AP3B2: variants seen among roughly 807,000 people sequenced by gnomAD.
AP3B2 encodes the protein adaptor related protein complex 3 subunit beta 2.
A neutral mutation model predicts 126.9 loss-of-function variants in AP3B2; 50 were observed. That is an observed-to-expected ratio of 0.39 (90% CI 0.31 to 0.50). The LOEUF (loss-of-function observed/expected upper bound fraction) is 0.50. Ranked by LOEUF, AP3B2 falls within the 20% of genes least tolerant of loss-of-function variation. AP3B2 has a pLI of 0.79. For missense variants in AP3B2, 1,177 were observed against 1,426.4 expected (o/e 0.83, Z 2.82); for synonymous variants, 541 against 565.0 (o/e 0.96, Z 0.60).
At chr15:82,678,485 G>C (rs1470544829) in intron 10 of AP3B2, among the ~76,000 whole-genome samples, 1 of 152,132 alleles carries the variant, frequency 6.6e-6, no homozygotes, top group African/African-American at 2.4e-5. Flanking sequence ...GTCCCTGAAT[G>C]ATCTGCTTGC....
rs906446451 is a variant in AP3B2 at position 82,691,806 on chromosome 15, A to G, written c.114-2353T>C. 3.4e-6 allele frequency: 5 copies of G among 1,461,470 alleles called. No homozygotes were observed. The African/African-American group carries it at 5.6e-5, about 16-fold the overall frequency. 90.5% of individuals were successfully genotyped at this position (1,461,470 alleles called of 1,614,324 possible). A position where few individuals can be genotyped will look rare whatever the true frequency, so the allele number is the denominator to read the frequency against. On this transcript the variant is annotated intron_variant, in intron 1 of 26. Coordinates refer to ENST00000535359, the MANE Select transcript of AP3B2 (RefSeq NM_001278512.2). The stretch of plus-strand genomic sequence containing the variant: ...TCACGGCCCCTTGACCCAAACCGAG[A>G]CTGTGAGTAGCCATAGCTGGTGCTT...
chr15:82,662,287 G>A (rs779041979), intron 23 of AP3B2, 35 bp from the exon 24 acceptor site: 19 of 1,505,634 alleles, frequency 1.3e-5, no homozygotes, highest in Admixed American at 1.9e-5. Flanking sequence ...GGGAGAGGGA[G>A]GGCCACCATC....
chr15:82,678,064 G>A, intron 11 of AP3B2, 41 bp downstream of exon 11: 3 of 1,602,786 alleles, frequency 1.9e-6, no homozygotes, highest in East Asian at 4.5e-5. Context: ...GATCTGATGG[G>A]CCCCTCTCCC....
At chr15:82,671,237 C>A (rs773253194) in intron 14 of AP3B2, among the ~76,000 whole-genome samples, 3 of 152,044 alleles carry the variant, frequency 2.0e-5, no homozygotes, top group Non-Finnish European at 2.9e-5. Context: ...GAGCCAAGAT[C>A]GCACCACTGC....
intron 1 of AP3B2, among the ~76,000 whole-genome samples, chr15:82,701,519 A>C (rs1334552093): frequency 6.6e-6 from 1 of 152,208 alleles, no homozygotes; most frequent in Non-Finnish European, 1.5e-5. Flanking sequence ...TTGAAAGCAA[A>C]ATTTCCATTC....
intron 14 of AP3B2, 139 bp downstream of exon 14, chr15:82,676,322 G>T: frequency 1.2e-6 from 1 of 865,978 alleles, no homozygotes; most frequent in Non-Finnish European, 1.7e-6. Context: ...GGTTATGTGG[G>T]CAGACCAGCC....
chr15:82,696,630 T>G (rs2048631380), intron 1 of AP3B2, among the ~76,000 whole-genome samples: 1 of 152,170 alleles, frequency 6.6e-6, no homozygotes, highest in South Asian at 2.1e-4. Context: ...CTTTGCAGCA[T>G]TCACTGTCAG....
chr15:82,661,638 G>A (rs901874270), intron 25 of AP3B2, among the ~76,000 whole-genome samples, 187 bp downstream of exon 25: 12 of 152,112 alleles, frequency 7.9e-5, no homozygotes, highest in African/African-American at 2.2e-4. Context: ...AGCCACAGTC[G>A]TGTTGTAACT....
chr15:82,670,753 G>A (rs995925409), intron 14 of AP3B2, among the ~76,000 whole-genome samples: 2 of 152,112 alleles, frequency 1.3e-5, no homozygotes, highest in Non-Finnish European at 2.9e-5. Context: ...AATCAACAAA[G>A]AGACAAGCCA....
At chr15:82,703,332 CCTT>C (rs999609780) in intron 1 of AP3B2, among the ~76,000 whole-genome samples, 1 of 151,714 alleles carries the variant, frequency 6.6e-6, no homozygotes, top group Non-Finnish European at 1.5e-5. Context: ...ACCCCCGACT[CCTT>C]CTCTCTGTGT....
intron 1 of AP3B2, among the ~76,000 whole-genome samples, chr15:82,706,402 A>C (rs983262068): frequency 1.3e-5 from 2 of 152,126 alleles, no homozygotes; most frequent in Non-Finnish European, 2.9e-5. Flanking sequence ...CTCATTACAC[A>C]AGGGTCCTCC....
At chr15:82,676,381 G>T in intron 14 of AP3B2, 80 bp downstream of exon 14, 3 of 1,455,580 alleles carry the variant, frequency 2.1e-6, no homozygotes, top group African/African-American at 1.4e-5. Context: ...GTTCAGCCCT[G>T]CCTAGGGAGG....
intron 4 of AP3B2, among the ~76,000 whole-genome samples, chr15:82,682,490 G>A (rs1470210431): frequency 6.6e-6 from 1 of 152,090 alleles, no homozygotes; most frequent in Non-Finnish European, 1.5e-5. Flanking sequence ...GGCATACCTC[G>A]GAGATATTGT....
At chr15:82,707,468 A>T (rs554763191) in intron 1 of AP3B2, among the ~76,000 whole-genome samples, 1 of 152,108 alleles carries the variant, frequency 6.6e-6, no homozygotes, top group Non-Finnish European at 1.5e-5. Flanking sequence ...CTATCTTCTG[A>T]CTAGTCATAC....
intron 14 of AP3B2, among the ~76,000 whole-genome samples, chr15:82,668,967 A>C (rs527270202): frequency 6.6e-6 from 1 of 152,346 alleles, no homozygotes; most frequent in South Asian, 2.1e-4. Flanking sequence ...GCTGTTAAAA[A>C]AAATTGAAAT....
intron 1 of AP3B2, among the ~76,000 whole-genome samples, chr15:82,699,409 C>T (rs2048683148): frequency 6.6e-6 from 1 of 152,130 alleles, no homozygotes; most frequent in Admixed American, 6.5e-5. Context: ...ATCCTCCTCC[C>T]CTCAGAGCCT....
rs761238131 is a variant in AP3B2 at position 82,689,479 on chromosome 15, T to G, written c.114-26A>C. ...CTGGTGGGAGGTACAAGAAGTCAGC[T>G]GAGGGCACAAGGGTGGGGATGGGGT... On this transcript the variant is annotated intron_variant, in intron 1 of 26. Transcript: ENST00000535359. 3.7e-6 allele frequency: 6 copies of G among 1,608,628 alleles called. No homozygotes were observed. In the African/African-American group the frequency reaches 5.3e-5, roughly 14 times the overall value.
chr15:82,676,422 G>A, intron 14 of AP3B2, 39 bp downstream of exon 14: 1 of 1,601,904 alleles, frequency 6.2e-7, no homozygotes, highest in Non-Finnish European at 8.5e-7. Flanking sequence ...GGAGTTTCTG[G>A]GGACCAGAGT....
chr15:82,673,718 G>C (rs1004130744), intron 14 of AP3B2, among the ~76,000 whole-genome samples: 2 of 152,164 alleles, frequency 1.3e-5, no homozygotes, highest in Admixed American at 6.5e-5. Context: ...CTTATTAATA[G>C]TTTAAACTTA....
Sources: gnomAD v4.1 joint callset for allele counts (sites outside exome capture counted in the v4.1 genomes callset) on GRCh38, gnomAD v4.1.1 for gene constraint, MANE v1.5 for transcripts, NCBI Gene and HGNC (gene_info 2026-07-23, HGNC 2026-07-21) for gene names.